Variants in EHF observed in about 807,000 individuals in gnomAD.
EHF encodes ESE3 transcription factor.
Under a neutral mutation model 45.1 loss-of-function variants are expected in EHF, and 14 were observed. The ratio of observed to expected loss-of-function variants is 0.31; its 90% CI spans 0.21 to 0.49. The LOEUF (loss-of-function observed/expected upper bound fraction) is 0.49. Ranked by LOEUF, EHF falls within the 20% of genes least tolerant of loss-of-function variation. The pLI is 0.99. For missense variants in EHF, 282 were observed against 371.4 expected, an observed-to-expected ratio of 0.76 and a Z score of 1.98; for synonymous variants, 136 against 131.8, an observed-to-expected ratio of 1.03 and a Z score of -0.22.
chr11:34,648,007 G>A (rs1750295772), intron 3 of EHF, among the ~76,000 whole-genome samples: 2 of 152,178 alleles, frequency 1.3e-5, no homozygotes, highest in Admixed American at 1.3e-4. Flanking sequence ...GAGGTGCTGT[G>A]GCCATCTTAG....
chr11:34,649,148 G>A lies in EHF; in HGVS notation c.406+67G>A, dbSNP rs1854884127. 1.9e-5 allele frequency: 30 copies of A among 1,549,720 alleles called. 2 individuals are homozygous for A. The Admixed American group carries it at 4.2e-4, about 22-fold the overall frequency. ...AGCTCCGGGGAGGACAGTTGGGAGA[G>A]GGCAAGAGAGAATGTGGGGGCAAGT... On this transcript the variant is annotated intron_variant, in intron 4 of 8. Coordinates refer to ENST00000257831, the MANE Select transcript of EHF (RefSeq NM_012153.6).
chr11:34,649,028 G>A lies in EHF; in HGVS notation c.353G>A (p.Ser118Asn). 3 of 1,613,996 alleles carry A rather than the reference G, an allele frequency of 1.9e-6. No individual in the cohort carries two copies. The highest frequency in any genetic ancestry group is 2.5e-6 in the Non-Finnish European group (3 of 1,179,904). Reference protein sequence around the residue: ...LQHLKWNGQCSSDLFQSTHNV... With the variant: ...LQHLKWNGQCNSDLFQSTHNV... ...AATCTGTCCTTCACAGGCCAGTGCAGTAGTGACCTGTTCCAGTCCACACAC... is the reference window on the plus strand; with the variant it reads ...AATCTGTCCTTCACAGGCCAGTGCAATAGTGACCTGTTCCAGTCCACACAC... The change falls in exon 4 of 9, where the codon AGT (serine) becomes AAT (asparagine). Residue 118 changes from serine (S) to asparagine (N), a missense_variant. This residue lies in a region of EHF where 213 missense variants were observed against 247.3 expected (regional missense o/e 0.86). Coordinates refer to ENST00000257831, the MANE Select transcript of EHF (RefSeq NM_012153.6).
At chr11:34,653,111 C>T (rs1244476788) in intron 6 of EHF, among the ~76,000 whole-genome samples, 9 of 152,128 alleles carry the variant, frequency 5.9e-5, no homozygotes, top group Non-Finnish European at 1.2e-4. Flanking sequence ...CTCTGAGTTC[C>T]TCTGCGACTT....
intron 3 of EHF, 66 bp from the exon 4 acceptor site, chr11:34,648,953 T>C: frequency 6.7e-7 from 1 of 1,486,378 alleles, no homozygotes; most frequent in Non-Finnish European, 9.3e-7. Context: ...AGTTCTGTCC[T>C]TATTTAAGCA....
At position 34,661,919 on chromosome 11, in the gene EHF, T is replaced by C. The variant is rs1374731302; in HGVS notation, c.*2988T>C. Among the ~76,000 whole-genome samples, 2 of 152,114 alleles carry C rather than the reference T, an allele frequency of 1.3e-5. No individual in the cohort carries two copies. Among genetic ancestry groups the C allele is most frequent in the Non-Finnish European group, 2.9e-5 (2 of 68,006 alleles). ...TTGCTAAGACTTTACCAGGCTCAAATCATCTGAGGCTGATAGATATTTGAC... is the reference window on the plus strand; with the variant it reads ...TTGCTAAGACTTTACCAGGCTCAAACCATCTGAGGCTGATAGATATTTGAC... On this transcript the variant is annotated 3_prime_UTR_variant, in exon 9 of 9. Coordinates refer to ENST00000257831, the MANE Select transcript of EHF (RefSeq NM_012153.6).
Position 34,642,976 on chromosome 11 carries a change from G to A in EHF, c.97+249G>A, listed in dbSNP as rs536273199. Among the ~76,000 whole-genome samples the A allele has an allele frequency of 8.1e-4, 123 of 152,238 alleles. 1 individual carries two copies. The highest frequency in any genetic ancestry group is 2.9e-3 in the African/African-American group (119 of 41,540). Reference sequence around the variant, plus strand: ...CAGATTGACAGCCTGGCAGTGAAGGGGGGTAGAAGAGATGCCTAAAGGAAA... The same window carrying A: ...CAGATTGACAGCCTGGCAGTGAAGGAGGGTAGAAGAGATGCCTAAAGGAAA... On this transcript the variant is annotated intron_variant, in intron 2 of 8. Transcript: ENST00000257831.
intron 1 of EHF, among the ~76,000 whole-genome samples, chr11:34,623,960 T>C (rs900608261): frequency 2.6e-5 from 4 of 152,172 alleles, no homozygotes; most frequent in Non-Finnish European, 5.9e-5. Context: ...TATGGAGTCA[T>C]CTCTATGCCC....
At chr11:34,630,433 C>A (rs2134002828) in intron 1 of EHF, among the ~76,000 whole-genome samples, 1 of 152,294 alleles carries the variant, frequency 6.6e-6, no homozygotes, top group East Asian at 1.9e-4. Context: ...AATTTAAACC[C>A]TCAACAAATA....
At chr11:34,630,126 G>A (rs1021691466) in intron 1 of EHF, among the ~76,000 whole-genome samples, 4 of 152,174 alleles carry the variant, frequency 2.6e-5, no homozygotes, top group African/African-American at 4.8e-5. Flanking sequence ...TGTGGGAATC[G>A]TGCTTAAAGG....
intron 1 of EHF, among the ~76,000 whole-genome samples, chr11:34,632,887 T>C (rs1269778893): frequency 6.6e-6 from 1 of 152,180 alleles, no homozygotes; most frequent in Non-Finnish European, 1.5e-5. Context: ...ACTTGGTAAA[T>C]ATGTATGAAT....
At chr11:34,646,739 T>G (rs1217938901) in intron 3 of EHF, 55 bp downstream of exon 3, 31 of 1,593,634 alleles carry the variant, frequency 1.9e-5, no homozygotes, top group Non-Finnish European at 2.6e-5. Flanking sequence ...GCTGGAAGAA[T>G]AGAGATTCTG....
Position 34,660,313 on chromosome 11 carries a change from G to A in EHF, c.*1382G>A, listed in dbSNP as rs551214320. On this transcript the variant is annotated 3_prime_UTR_variant, in exon 9 of 9. Transcript: ENST00000257831. ...GAAACACCAAGAAAAGAATTTCCAG[G>A]GAAAATCCTCTTTGCAGGTATTAAT... 1 of 152,052 alleles carries A rather than the reference G, an allele frequency of 6.6e-6. No homozygotes were observed. Among genetic ancestry groups the A allele is most frequent in the East Asian group, 1.9e-4 (1 of 5,166 alleles). 9.4% of individuals were successfully genotyped at this position (152,052 alleles called of 1,614,324 possible).
chr11:34,650,194 C>T (rs573625022), intron 4 of EHF, among the ~76,000 whole-genome samples: 54 of 152,296 alleles, frequency 3.5e-4, no homozygotes, highest in Non-Finnish European at 6.0e-4. Context: ...TCCCAAATAA[C>T]TTGATAATTC....
chr11:34,643,453 G>T (rs1170848180), intron 2 of EHF, among the ~76,000 whole-genome samples: 1 of 152,134 alleles, frequency 6.6e-6, no homozygotes, highest in Non-Finnish European at 1.5e-5. Context: ...GGGAGCTCTG[G>T]GCCTCTTCTC....
At chr11:34,653,140 A>ACATCCTTC (rs11274412) in intron 6 of EHF, among the ~76,000 whole-genome samples, 6 of 148,404 alleles carry the variant, frequency 4.0e-5, no homozygotes, top group African/African-American at 1.5e-4. Context: ...GTCATCTCCC[A>ACATCCTTC]CATCCTTCCA....
rs1369834608 is a variant in EHF, at chr11:34,630,228, G to T, written c.-4+9000G>T. ...GATCCATTTTCAAGTAATTTCAAAA[G>T]AACTATGTTGCTTTCCCCACCCCTT... On this transcript the variant is annotated intron_variant, in intron 1 of 8. Transcript: ENST00000257831. Among the ~76,000 whole-genome samples, 3 of 152,146 alleles carry T rather than the reference G, an allele frequency of 2.0e-5. No individual in the cohort carries two copies. The East Asian group carries it at 5.8e-4, about 29-fold the overall frequency.
chr11:34,653,104 T>C (rs147028174), intron 6 of EHF, among the ~76,000 whole-genome samples: 3 of 152,288 alleles, frequency 2.0e-5, no homozygotes, highest in Non-Finnish European at 2.9e-5. Flanking sequence ...AGTCACACTC[T>C]GAGTTCCTCT....
chr11:34,629,167 A>G (rs975098951), intron 1 of EHF, among the ~76,000 whole-genome samples: 2 of 152,178 alleles, frequency 1.3e-5, no homozygotes, highest in Non-Finnish European at 2.9e-5. Context: ...TGAGTTAGTG[A>G]GTTTTCCAGT....
Position 34,647,049 on chromosome 11 carries a change from A to C in EHF, c.343+365A>C, listed in dbSNP as rs184142618. On this transcript the variant is annotated intron_variant, in intron 3 of 8. Coordinates refer to ENST00000257831, the MANE Select transcript of EHF (RefSeq NM_012153.6). ...TAAAAAGATCATCATGGTTACAAAA[A>C]AAAAAACAAAAAACAAAAAACAAAA... is the stretch of plus-strand genomic sequence containing the variant. 5.9e-3 allele frequency among the ~76,000 whole-genome samples: 897 copies of C among 151,384 alleles called. 8 individuals are homozygous for C. Among genetic ancestry groups the C allele is most frequent in the African/African-American group, 0.02 (829 of 41,008 alleles).
Sources: gnomAD v4.1 joint callset for allele counts (sites outside exome capture counted in the v4.1 genomes callset) on GRCh38, gnomAD v4.1.1 for gene constraint, gnomAD v4.1.1 regional missense constraint, MANE v1.5 for transcripts, NCBI Gene and HGNC (gene_info 2026-07-23, HGNC 2026-07-21) for gene names.